The following MANEA variants were observed in gnomAD, a reference collection of about 807,000 sequenced individuals.
MANEA encodes glycoprotein endo-alpha-1,2-mannosidase.
A neutral mutation model predicts 36.8 loss-of-function variants in MANEA; 25 were observed. The ratio of observed to expected loss-of-function variants is 0.68; its 90% CI spans 0.50 to 0.95. The LOEUF (loss-of-function observed/expected upper bound fraction) is 0.95. Ranked by LOEUF, MANEA falls within the 40% of genes least tolerant of loss-of-function variation. The pLI, the probability that MANEA is intolerant of heterozygous loss-of-function variation, is 0.00. For synonymous variants in MANEA, 198 were observed against 188.5 expected (o/e 1.05, Z -0.41); for missense variants, 565 against 558.8 (o/e 1.01, Z -0.11).
At position 95,608,790 on chromosome 6, in the gene MANEA, C is replaced by T. The variant is rs927880017; in HGVS notation, c.*2385C>T. 6.6e-6 allele frequency: 1 copy of T among 151,696 alleles called. No individual in the cohort carries two copies. Among genetic ancestry groups the T allele is most frequent in the African/African-American group, 2.4e-5 (1 of 41,378 alleles). The allele number at this position is 151,696 out of a possible 1,614,324, so 9.4% of individuals were successfully genotyped here. A position where few individuals can be genotyped will look rare whatever the true frequency, so the allele number is the denominator to read the frequency against. ...ATAGTAGTTGCATATAATCTATGCA[C>T]ATCCTCCTGTATACATTAAGTCATC... On this transcript the variant is annotated 3_prime_UTR_variant, in exon 5 of 5. Transcript: ENST00000358812.
At position 95,608,544 on chromosome 6, in the gene MANEA, T is replaced by G. The variant is rs1346554379; in HGVS notation, c.*2139T>G. The G allele has an allele frequency of 2.0e-5, 3 of 151,868 alleles. No individual in the cohort carries two copies. Among genetic ancestry groups the G allele is most frequent in the Non-Finnish European group, 3.0e-5 (2 of 67,756 alleles). 9.4% of individuals were successfully genotyped at this position (151,868 alleles called of 1,614,324 possible). A position where few individuals can be genotyped will look rare whatever the true frequency, so the allele number is the denominator to read the frequency against. On this transcript the variant is annotated 3_prime_UTR_variant, in exon 5 of 5. Transcript: ENST00000358812. ...CCTAACCAGCCAGCAGTAACAGATT[T>G]CAGAGTAAGATAAAGCAGATTCTGT...
In MANEA at chr6:95,586,210, A is replaced by G. The variant is rs548145958; in HGVS notation, c.-38-192A>G. Among the ~76,000 whole-genome samples the G allele has an allele frequency of 4.6e-5, 7 of 152,334 alleles. No individual in the cohort carries two copies. In the South Asian group the frequency reaches 1.4e-3, roughly 32 times the overall value. Reference sequence around the variant, plus strand: ...GAATATTGCCGTTTATTCTAGCCATAGACCCTTATTGTACACATTTATATA... The same window carrying G: ...GAATATTGCCGTTTATTCTAGCCATGGACCCTTATTGTACACATTTATATA... On this transcript the variant is annotated intron_variant, in intron 1 of 4. Transcript: ENST00000358812.
intron 1 of MANEA, among the ~76,000 whole-genome samples, chr6:95,584,433 A>G (rs540845146): frequency 1.3e-5 from 2 of 152,252 alleles, no homozygotes; most frequent in East Asian, 1.9e-4. Flanking sequence ...TGTCTGTCCT[A>G]TGCGGTTGAG....
At chr6:95,586,260 T>C (rs1470603988) in intron 1 of MANEA, 142 bp from the exon 2 acceptor site, 1 of 590,738 alleles carries the variant, frequency 1.7e-6, no homozygotes, top group African/African-American at 1.9e-5. Context: ...ATGTCTTCAC[T>C]TTCTTAATTT....
intron 1 of MANEA, among the ~76,000 whole-genome samples, chr6:95,584,742 G>T (rs919579927): frequency 6.6e-6 from 1 of 152,122 alleles, no homozygotes; most frequent in South Asian, 2.1e-4. Flanking sequence ...TGCTGGTTTT[G>T]TGGCTCAGGT....
chr6:95,604,182 A>T (rs1393524371), intron 3 of MANEA, among the ~76,000 whole-genome samples: 2 of 151,616 alleles, frequency 1.3e-5, no homozygotes, highest in South Asian at 4.2e-4. Flanking sequence ...CGATTTCATT[A>T]TAAATTCTTT....
At chr6:95,581,631 T>A (rs193161126) in intron 1 of MANEA, among the ~76,000 whole-genome samples, 9 of 152,332 alleles carry the variant, frequency 5.9e-5, no homozygotes, top group African/African-American at 1.9e-4. Flanking sequence ...CCCTCTTTTT[T>A]AAGAAAAGGC....
At chr6:95,580,922 T>C (rs1769167541) in intron 1 of MANEA, among the ~76,000 whole-genome samples, 1 of 152,156 alleles carries the variant, frequency 6.6e-6, no homozygotes, top group Non-Finnish European at 1.5e-5. Context: ...AAATGTGTTA[T>C]ATTTTAATTG....
At chr6:95,579,875 T>C (rs1446951577) in intron 1 of MANEA, among the ~76,000 whole-genome samples, 1 of 152,208 alleles carries the variant, frequency 6.6e-6, no homozygotes, top group Non-Finnish European at 1.5e-5. Context: ...AAACAGTCTT[T>C]TGAGGAGAAA....
At chr6:95,590,098 C>T (rs1026418504) in intron 2 of MANEA, 3 of 152,180 alleles carry the variant, frequency 2.0e-5, no homozygotes, top group Non-Finnish European at 1.5e-5. Context: ...AAAGGAATGT[C>T]ATCCAGTCCA....
intron 1 of MANEA, among the ~76,000 whole-genome samples, chr6:95,581,126 A>C (rs1178308976): frequency 6.6e-6 from 1 of 152,192 alleles, no homozygotes; most frequent in Non-Finnish European, 1.5e-5. Flanking sequence ...TTTGTAGGTC[A>C]GATAACTAAA....
intron 1 of MANEA, among the ~76,000 whole-genome samples, chr6:95,584,385 A>T (rs1481164404): frequency 6.6e-6 from 1 of 152,164 alleles, no homozygotes; most frequent in Non-Finnish European, 1.5e-5. Flanking sequence ...AAAGAATTGC[A>T]TTCCTCGGGG....
chr6:95,589,969 G>C (rs905443318), intron 2 of MANEA: 4 of 152,112 alleles, frequency 2.6e-5, no homozygotes, highest in Non-Finnish European at 4.4e-5. Context: ...GGATGCACGA[G>C]AGACTCGACC....
chr6:95,601,716 A>ATTGTTTTTTTTTTTTTTTTTTTTTTT, intron 3 of MANEA, among the ~76,000 whole-genome samples: 1 of 64,968 alleles, frequency 1.5e-5, no homozygotes, highest in Non-Finnish European at 2.7e-5. Flanking sequence ...AGATTCAGTG[A>ATTGTTTTTTTTTTTTTTTTTTTTTTT]TTTTTTTTTT....
At chr6:95,604,157 G>C (rs1315656675) in intron 3 of MANEA, among the ~76,000 whole-genome samples, 1 of 146,448 alleles carries the variant, frequency 6.8e-6, no homozygotes, top group East Asian at 2.1e-4. Flanking sequence ...AACACTAGTG[G>C]ATATTATTTT....
At chr6:95,589,291 T>G (rs1424761626) in intron 2 of MANEA, among the ~76,000 whole-genome samples, 1 of 152,152 alleles carries the variant, frequency 6.6e-6, no homozygotes, top group East Asian at 1.9e-4. Flanking sequence ...AGATAGTAAA[T>G]GAAGGCTGTT....
rs1769293888 is a variant in MANEA at position 95,586,886 on chromosome 6, C to T, written c.447C>T (p.Asp149=). ...YPQGRHNPPD[D]IGSSFYPELG... is the part of the protein sequence containing the mutation. Reference sequence around the variant, plus strand: ...AAGGGAGACACAACCCTCCAGATGACATTGGCTCCAGCTTTTATCCTGAAT... The same window carrying T: ...AAGGGAGACACAACCCTCCAGATGATATTGGCTCCAGCTTTTATCCTGAAT... The change falls in exon 2 of 5, where the codon GAC becomes GAT. Residue 149 remains aspartate, a synonymous_variant. Coordinates refer to ENST00000358812, the MANE Select transcript of MANEA (RefSeq NM_024641.4). 1.9e-6 allele frequency: 3 copies of T among 1,613,224 alleles called. No individual in the cohort carries two copies. Among genetic ancestry groups the T allele is most frequent in the South Asian group, 2.2e-5 (2 of 91,066 alleles).
At chr6:95,584,338 T>C (rs946645528) in intron 1 of MANEA, among the ~76,000 whole-genome samples, 1 of 152,162 alleles carries the variant, frequency 6.6e-6, no homozygotes, top group Non-Finnish European at 1.5e-5. Context: ...ACTAAATTCT[T>C]TTCCTAGCAA....
At position 95,586,614 on chromosome 6, in the gene MANEA, T is replaced by C. The variant is rs1432368919; in HGVS notation, c.175T>C (p.Phe59Leu). The change falls in exon 2 of 5, where the codon TTT (phenylalanine) becomes CTT (leucine). Residue 59 changes from phenylalanine to leucine, a missense_variant. Phe to Leu is a conservative substitution (Grantham distance 22). Transcript: ENST00000358812. ...HQRTIHLGKN[F>L]DFQKSDRINS... ...ACGAACTATTCATTTGGGGAAAAATTTTGATTTCCAAAAGAGTGACAGAAT... is the reference window on the plus strand; with the variant it reads ...ACGAACTATTCATTTGGGGAAAAATCTTGATTTCCAAAAGAGTGACAGAAT... 1 of 1,614,050 alleles carries C rather than the reference T, an allele frequency of 6.2e-7. No individual in the cohort carries two copies. The highest frequency in any genetic ancestry group is 1.7e-5 in the Admixed American group (1 of 60,014).
Sources: allele counts gnomAD v4.1 joint callset (sites outside exome capture counted in the v4.1 genomes callset), GRCh38; gene constraint gnomAD v4.1.1; transcripts MANE v1.5; gene names NCBI Gene and HGNC (gene_info 2026-07-23, HGNC 2026-07-21).